NBDY: variants seen among roughly 807,000 people sequenced by gnomAD.
NBDY encodes P-body dissociating protein.
At chrX:56,758,289 C>A (rs1177074440) in intron 2 of NBDY, among the ~76,000 whole-genome samples, 3 of 102,788 alleles carry the variant, frequency 2.9e-5, no homozygotes, top group Non-Finnish European at 5.9e-5. Flanking sequence ...GCACTCCAGC[C>A]TGTGTGACAG....
chrX:56,747,650 T>C (rs1214462336), intron 2 of NBDY, among the ~76,000 whole-genome samples: 3 of 111,053 alleles, frequency 2.7e-5, no homozygotes, highest in Non-Finnish European at 3.8e-5. Context: ...TGAAAGAGAG[T>C]GCTGTGTTCA....
chrX:56,764,997 C>T (rs1027997179), intron 2 of NBDY, among the ~76,000 whole-genome samples: 13 of 112,663 alleles, frequency 1.2e-4, no homozygotes, highest in African/African-American at 6.5e-5. Flanking sequence ...CATTGCAGTT[C>T]GCTGTCAATC....
At chrX:56,792,463 C>T (rs2069769899) in intron 2 of NBDY, among the ~76,000 whole-genome samples, 1 of 111,236 alleles carries the variant, frequency 9.0e-6, no homozygotes, top group Admixed American at 9.6e-5. Flanking sequence ...CACAGGCAGG[C>T]ACCCACAGAC....
intron 2 of NBDY, among the ~76,000 whole-genome samples, chrX:56,786,645 T>TTTC (rs750759505): frequency 1.9e-5 from 2 of 103,466 alleles, no homozygotes; most frequent in Admixed American, 1.0e-4. Context: ...GCTTCTTCTT[T>TTTC]TTCTTCTTCT....
chrX:56,754,458 T>G (rs902857349), intron 2 of NBDY, among the ~76,000 whole-genome samples: 1 of 111,735 alleles, frequency 8.9e-6, no homozygotes, highest in Non-Finnish European at 1.9e-5. Context: ...TTCTCCAGGA[T>G]AGGCCATATA....
intron 2 of NBDY, among the ~76,000 whole-genome samples, chrX:56,813,934 C>T (rs2069898811): frequency 8.9e-6 from 1 of 111,749 alleles, no homozygotes; most frequent in African/African-American, 3.3e-5. Context: ...CGTTCATTGT[C>T]ATTGCTTCTT....
chrX:56,739,234 G>GTATATATATA (rs1174908386), intron 2 of NBDY, among the ~76,000 whole-genome samples: 4 of 22,037 alleles, frequency 1.8e-4, no homozygotes, highest in African/African-American at 4.0e-4. Context: ...GTGTGTTTGT[G>GTATATATATA]TGTGTATATA....
At chrX:56,740,620 A>T (rs767364173) in intron 2 of NBDY, among the ~76,000 whole-genome samples, 2 of 111,677 alleles carry the variant, frequency 1.8e-5, no homozygotes, top group African/African-American at 6.5e-5. Flanking sequence ...TACTTGAGGC[A>T]TTGTTAGTAT....
In NBDY at chrX:56,729,388, C is replaced by G. The variant is rs1024659445; in HGVS notation, c.35C>G (p.Thr12Ser). 5 of 294,525 alleles carry G rather than the reference C, an allele frequency of 1.7e-5. No individual in the cohort carries two copies. Among genetic ancestry groups the G allele is most frequent in the Non-Finnish European group, 2.9e-5 (5 of 169,649 alleles). The allele number at this position is 294,525 out of a possible 1,213,427, so 24.3% of individuals were successfully genotyped here. A position where few individuals can be genotyped will look rare whatever the true frequency, so the allele number is the denominator to read the frequency against. ...CAACCTTGTGCCTCCGGGAGATCCA[C>G]TCTCCCACCTGGAAACGCACGGGAA... ...GDQPCASGRS[T>S]LPPGNAREAK... Residue 12 changes from threonine to serine, a missense_variant, in exon 1 of 3, where the codon ACT becomes AGT. Physicochemically the swap from Thr to Ser is moderately conservative, Grantham distance 58 (BLOSUM62 1). Transcript: ENST00000374922.
intron 2 of NBDY, among the ~76,000 whole-genome samples, chrX:56,736,278 C>A (rs750620389): frequency 3.6e-5 from 4 of 111,247 alleles, no homozygotes; most frequent in African/African-American, 1.3e-4. Context: ...CTATTTTTTT[C>A]TTTTTTTTGA....
At chrX:56,798,372 CT>C (rs1160716026) in intron 2 of NBDY, among the ~76,000 whole-genome samples, 1 of 111,673 alleles carries the variant, frequency 9.0e-6, no homozygotes, top group East Asian at 2.8e-4. Context: ...TTGAGTCCCC[CT>C]AAGCCACATC....
chrX:56,744,754 A>T (rs1378099172), intron 2 of NBDY, among the ~76,000 whole-genome samples: 3 of 111,777 alleles, frequency 2.7e-5, no homozygotes, highest in Admixed American at 1.9e-4. Flanking sequence ...TGGTAACATG[A>T]AGAGTAATTA....
chrX:56,759,482 T>C (rs1443123590), intron 2 of NBDY, among the ~76,000 whole-genome samples: 1 of 111,365 alleles, frequency 9.0e-6, no homozygotes, highest in Non-Finnish European at 1.9e-5. Flanking sequence ...GCTGTTTTCT[T>C]TTTCTCCCCA....
chrX:56,810,866 T>C (rs1307190445), intron 2 of NBDY, among the ~76,000 whole-genome samples: 1 of 111,905 alleles, frequency 8.9e-6, no homozygotes, highest in East Asian at 2.8e-4. Flanking sequence ...TTTGTGCTGG[T>C]TTCTCCCCAT....
At chrX:56,815,296 G>A (rs190442830) in intron 2 of NBDY, among the ~76,000 whole-genome samples, 306 of 111,818 alleles carry the variant, frequency 2.7e-3, no homozygotes, top group African/African-American at 9.3e-3. Context: ...CCTTTATAGA[G>A]ATTCATTTAA....
chrX:56,793,600 C>T (rs1400464858), intron 2 of NBDY, among the ~76,000 whole-genome samples: 1 of 110,669 alleles, frequency 9.0e-6, no homozygotes, highest in Non-Finnish European at 1.9e-5. Context: ...TGCCATCAAG[C>T]GGAAACTATT....
At chrX:56,788,647 C>T (rs1489546119) in intron 2 of NBDY, among the ~76,000 whole-genome samples, 2 of 112,024 alleles carry the variant, frequency 1.8e-5, no homozygotes, top group Non-Finnish European at 3.8e-5. Context: ...AAGATAGGGG[C>T]CTTCTGGCCT....
intron 2 of NBDY, among the ~76,000 whole-genome samples, chrX:56,741,504 G>A (rs1325241740): frequency 9.0e-6 from 1 of 111,696 alleles, no homozygotes; most frequent in African/African-American, 3.2e-5. Flanking sequence ...GCCAGCATTT[G>A]TTATTGCCTG....
At chrX:56,781,315 C>G (rs748886225) in intron 2 of NBDY, among the ~76,000 whole-genome samples, 1 of 111,997 alleles carries the variant, frequency 8.9e-6, no homozygotes, top group South Asian at 3.8e-4. Flanking sequence ...CCCTCCTGTT[C>G]ATTTTTCTTA....
Sources: allele counts gnomAD v4.1 joint callset (sites outside exome capture counted in the v4.1 genomes callset), GRCh38; gene constraint gnomAD v4.1.1; transcripts MANE v1.5; gene names NCBI Gene and HGNC (gene_info 2026-07-23, HGNC 2026-07-21).